Variants in TTLL10 observed in about 807,000 individuals in gnomAD.
The protein encoded by TTLL10 is tubulin tyrosine ligase like 10.
A neutral mutation model predicts 69.0 loss-of-function variants in TTLL10; 61 were observed. That is an observed-to-expected ratio of 0.88 (90% CI 0.72 to 1.09). TTLL10 has a LOEUF of 1.09. TTLL10 is among the 50% of genes least tolerant of loss of function. The pLI is 0.00. For synonymous variants in TTLL10, 408 were observed against 393.3 expected (o/e 1.04, Z -0.44); for missense variants, 962 against 945.9 (o/e 1.02, Z -0.22).
intron 13 of TTLL10, among the ~76,000 whole-genome samples, chr1:1,188,246 C>T (rs2100902758): frequency 6.6e-6 from 1 of 152,264 alleles, no homozygotes; most frequent in Non-Finnish European, 1.5e-5. Flanking sequence ...GTTTTGATTG[C>T]TGTAGCTTTG....
chr1:1,176,629 G>A (rs928917128), intron 3 of TTLL10, among the ~76,000 whole-genome samples: 1 of 152,180 alleles, frequency 6.6e-6, no homozygotes, highest in Non-Finnish European at 1.5e-5. Context: ...TCCCCAGGAA[G>A]GCTGGAGGGC....
intron 13 of TTLL10, among the ~76,000 whole-genome samples, chr1:1,187,731 C>G (rs994529848): frequency 2.6e-5 from 4 of 151,974 alleles, no homozygotes; most frequent in African/African-American, 9.7e-5. Flanking sequence ...GTGGAGAAAC[C>G]CCATCTCTAC....
At chr1:1,188,710 G>A (rs1040451745) in intron 13 of TTLL10, among the ~76,000 whole-genome samples, 4 of 152,088 alleles carry the variant, frequency 2.6e-5, no homozygotes, top group Admixed American at 1.3e-4. Context: ...CAGCCTCATC[G>A]AAATTTTAAT....
At chr1:1,191,817 A>G (rs1389415084) in intron 13 of TTLL10, among the ~76,000 whole-genome samples, 1 of 152,280 alleles carries the variant, frequency 6.6e-6, no homozygotes, top group Admixed American at 6.5e-5. Context: ...CCTTACGGGA[A>G]ACGAAGGGAT....
chr1:1,197,146 C>T lies in TTLL10; in HGVS notation c.1572C>T (p.Val524=). The T allele has an allele frequency of 6.4e-7, 1 of 1,551,004 alleles. No individual in the cohort carries two copies. Among genetic ancestry groups the T allele is most frequent in the South Asian group, 1.2e-5 (1 of 84,050 alleles). The change falls in exon 15 of 16, where the codon GTC becomes GTT. Residue 524 remains valine, a synonymous_variant. Transcript: ENST00000379289. ...SNPALHTNCE[V]LKEVIPGVVI... ...CAGCCCTGCACACCAACTGCGAGGT[C>T]CTGAAGGAGGTCATCCCAGGTGTGG...
chr1:1,183,035 G>A lies in TTLL10; in HGVS notation c.1076G>A (p.Arg359Gln), dbSNP rs114587574. The A allele has an allele frequency of 6.6e-5, 106 of 1,605,820 alleles. No homozygotes were observed. The East Asian group carries it at 1.1e-3, about 16-fold the overall frequency. Residue 359 changes from arginine to glutamine, a missense_variant, in exon 11 of 16, where the codon CGG becomes CAG. Arg to Gln is a conservative substitution (Grantham distance 43, BLOSUM62 1). Transcript: ENST00000379289. ...HKTPFRGPQA[R>Q]VVQRYIQNPL... is the part of the protein sequence containing the mutation. ...ACGCCGTTCCGGGGGCCTCAGGCGCGGGTGGTGCAGAGGTGCGGCGGCGGG... is the reference window on the plus strand; with the variant it reads ...ACGCCGTTCCGGGGGCCTCAGGCGCAGGTGGTGCAGAGGTGCGGCGGCGGG...
intron 13 of TTLL10, among the ~76,000 whole-genome samples, chr1:1,192,385 G>A (rs574879693): frequency 6.6e-6 from 1 of 151,496 alleles, no homozygotes; most frequent in Non-Finnish European, 1.5e-5. Context: ...ACTCCAGTTG[G>A]TATAAGTGTA....
Position 1,179,802 on chromosome 1 carries a change from C to A in TTLL10, c.199+65C>A, listed in dbSNP as rs1281210276. 29 of 1,483,654 alleles carry A rather than the reference C, an allele frequency of 2.0e-5. 1 individual carries two copies. Among genetic ancestry groups the A allele is most frequent in the Middle Eastern group, 2.0e-4 (1 of 5,000 alleles). The allele number at this position is 1,483,654 out of a possible 1,614,324, so 91.9% of individuals were successfully genotyped here. A position where few individuals can be genotyped will look rare whatever the true frequency, so the allele number is the denominator to read the frequency against. ...CCAAGCTCCCCACCCCCACCTGGAA[C>A]CTGCCGGCAGGAAGCCTGGCCCTGG... On this transcript the variant is annotated intron_variant, in intron 5 of 15. Coordinates refer to ENST00000379289, the MANE Select transcript of TTLL10 (RefSeq NM_001130045.2).
intron 15 of TTLL10, 25 bp downstream of exon 15, chr1:1,197,211 C>T (rs575836224): frequency 2.6e-6 from 4 of 1,539,540 alleles, no homozygotes; most frequent in East Asian, 4.9e-5. Context: ...CCCCACCCCA[C>T]ACCCCCACAA....
chr1:1,186,551 C>G (rs1170864032), intron 13 of TTLL10, among the ~76,000 whole-genome samples: 3 of 152,102 alleles, frequency 2.0e-5, no homozygotes, highest in Admixed American at 2.0e-4. Context: ...TGGGAAAATA[C>G]CCAGGAATGG....
At position 1,188,772 on chromosome 1, in the gene TTLL10, T is replaced by C. The variant is rs188490465; in HGVS notation, c.1401+3663T>C. On this transcript the variant is annotated intron_variant, in intron 13 of 15. Transcript: ENST00000379289. ...CGTAGCAGTGGCATCTTAACAATAT[T>C]TAGTCTTCCGATCCATGAATATAGG... Among the ~76,000 whole-genome samples the C allele has an allele frequency of 4.3e-4, 65 of 152,314 alleles. 1 individual carries two copies. The highest frequency in any genetic ancestry group is 3.5e-3 in the Admixed American group (53 of 15,290).
rs1236172863 is a variant in TTLL10 at position 1,180,757 on chromosome 1, A to T, written c.652A>T (p.Asn218Tyr). ...EGEQLLYQLP[N>Y]NKLLTTKIGL... ...AGAGCAGCTGCTGTACCAGCTTCCC[A>T]ACAACAAGCTCCTCACCACCAAGAT... The change falls in exon 8 of 16, where the codon AAC (asparagine) becomes TAC (tyrosine). Residue 218 changes from asparagine to tyrosine, a missense_variant. By Grantham distance (143) the Asn-to-Tyr change is moderately radical (BLOSUM62 -2). Coordinates refer to ENST00000379289, the MANE Select transcript of TTLL10 (RefSeq NM_001130045.2). The T allele has an allele frequency of 1.9e-6, 3 of 1,608,742 alleles. No homozygotes were observed. The highest frequency in any genetic ancestry group is 1.7e-6 in the Non-Finnish European group (2 of 1,178,016).
intron 13 of TTLL10, among the ~76,000 whole-genome samples, chr1:1,192,001 T>C (rs540718098): frequency 2.0e-5 from 3 of 152,358 alleles, no homozygotes; most frequent in East Asian, 3.9e-4. Flanking sequence ...CCTCCCAGCG[T>C]GGGCGTTAGG....
Position 1,182,980 on chromosome 1 carries a change from A to C in TTLL10, c.1021A>C (p.Ser341Arg). ...TGCCGCCCTGCAGGCCAAGACCCGG[A>C]GCATGGAGGACGACCCCATCCACCA... is the stretch of plus-strand genomic sequence containing the variant. ...EVAALQAKTR[S>R]MEDDPIHHKT... The change falls in exon 11 of 16, where the codon AGC becomes CGC. Residue 341 changes from serine (S) to arginine (R), a missense_variant. Coordinates refer to ENST00000379289, the MANE Select transcript of TTLL10 (RefSeq NM_001130045.2). 2 of 1,609,104 alleles carry C rather than the reference A, an allele frequency of 1.2e-6. No homozygotes were observed. The highest frequency in any genetic ancestry group is 8.5e-7 in the Non-Finnish European group (1 of 1,178,292).
At chr1:1,183,083 G>A (rs2100880581) in intron 11 of TTLL10, 36 bp downstream of exon 11, 3 of 1,552,932 alleles carry the variant, frequency 1.9e-6, no homozygotes, top group Middle Eastern at 1.9e-4. Flanking sequence ...TGAGGGTCTG[G>A]GCTGGCTGAC....
chr1:1,182,637 G>T (rs1647107398), intron 10 of TTLL10, among the ~76,000 whole-genome samples, 191 bp downstream of exon 10: 1 of 151,890 alleles, frequency 6.6e-6, no homozygotes, highest in Non-Finnish European at 1.5e-5. Context: ...AAAGGGGAGG[G>T]TCTGGCCTTC....
At chr1:1,177,312 G>A (rs1646909261) in intron 3 of TTLL10, among the ~76,000 whole-genome samples, 1 of 151,116 alleles carries the variant, frequency 6.6e-6, no homozygotes, top group Non-Finnish European at 1.5e-5. Context: ...GTGTCTGTGT[G>A]TCATTCTTTT....
chr1:1,196,505 G>C, intron 13 of TTLL10, 95 bp from the exon 14 acceptor site: 1 of 890,028 alleles, frequency 1.1e-6, no homozygotes. Context: ...GTTCAGATGG[G>C]AGTGCAGGTG....
At chr1:1,192,144 G>A (rs1049692349) in intron 13 of TTLL10, among the ~76,000 whole-genome samples, 5 of 152,232 alleles carry the variant, frequency 3.3e-5, no homozygotes, top group South Asian at 2.1e-4. Context: ...AATGTTGTTC[G>A]AGTCTTCTAT....
Sources: allele counts gnomAD v4.1 joint callset (sites outside exome capture counted in the v4.1 genomes callset), GRCh38; gene constraint gnomAD v4.1.1; transcripts MANE v1.5; gene names NCBI Gene and HGNC (gene_info 2026-07-23, HGNC 2026-07-21).